Variants in CHST9 observed in about 807,000 individuals in gnomAD.
CHST9 encodes the protein carbohydrate sulfotransferase 9.
Under a neutral mutation model 44.4 loss-of-function variants are expected in CHST9, and 41 were observed. The ratio of observed to expected loss-of-function variants is 0.92; its 90% CI spans 0.72 to 1.20. The LOEUF is 1.20. Among genes scored for constraint, CHST9 ranks in the 50% most tolerant of loss-of-function variants. The pLI, the probability that CHST9 is intolerant of heterozygous loss-of-function variation, is 0.00. For missense variants in CHST9, 504 were observed against 516.5 expected, an observed-to-expected ratio of 0.98 and a Z score of 0.23; for synonymous variants, 171 against 178.4, an observed-to-expected ratio of 0.96 and a Z score of 0.33.
intron 1 of CHST9, among the ~76,000 whole-genome samples, chr18:27,184,266 T>TG (rs1390891673): frequency 6.6e-6 from 1 of 152,020 alleles, no homozygotes; most frequent in Non-Finnish European, 1.5e-5. Context: ...GGGAGGGAGC[T>TG]GGGGGTGGAC....
At chr18:27,001,584 T>C (rs1440017841) in intron 4 of CHST9, among the ~76,000 whole-genome samples, 1 of 152,068 alleles carries the variant, frequency 6.6e-6, no homozygotes, top group Non-Finnish European at 1.5e-5. Context: ...CCTCTAACTT[T>C]GTCTTGCAGA....
chr18:27,080,557 A>G (rs1042273681), intron 2 of CHST9, among the ~76,000 whole-genome samples: 1 of 152,174 alleles, frequency 6.6e-6, no homozygotes, highest in Non-Finnish European at 1.5e-5. Flanking sequence ...TGAGTTGCAT[A>G]TAATAGGCAT....
chr18:27,094,019 C>T (rs1338252714), intron 2 of CHST9, among the ~76,000 whole-genome samples: 2 of 151,946 alleles, frequency 1.3e-5, no homozygotes, highest in South Asian at 2.1e-4. Context: ...TAGTGGAGCA[C>T]GCAAATTTTA....
At position 27,047,204 on chromosome 18, in the gene CHST9, T is replaced by C. The variant is rs137948745; in HGVS notation, c.160+1261A>G. On this transcript the variant is annotated intron_variant, in intron 3 of 5. Coordinates refer to ENST00000618847, the MANE Select transcript of CHST9 (RefSeq NM_031422.6). ...CTAATGAGGCATCAGACTTAACACT[T>C]TGGCCAACTTAGCTTTCTTCCAAAC... Among the ~76,000 whole-genome samples, 740 of 152,140 alleles carry C rather than the reference T, an allele frequency of 4.9e-3. 7 individuals carry two copies. The highest frequency in any genetic ancestry group is 0.017 in the African/African-American group (712 of 41,528).
In CHST9 at chr18:27,010,913, G is replaced by A. The variant is rs367930635; in HGVS notation, c.202+13203C>T. ...TGGGTGGGGAAAGGAAAGAGAGGGC[G>A]GTGAATACACTCAGCAGACCACCAG... On this transcript the variant is annotated intron_variant, in intron 4 of 5. Coordinates refer to ENST00000618847, the MANE Select transcript of CHST9 (RefSeq NM_031422.6). Among the ~76,000 whole-genome samples the A allele has an allele frequency of 8.0e-4, 114 of 142,050 alleles. 1 individual carries two copies. The highest frequency in any genetic ancestry group is 2.6e-3 in the African/African-American group (103 of 40,112). 93.2% of individuals were successfully genotyped at this position (142,050 alleles called of 152,430 possible).
chr18:26,942,831 C>T (rs2056103902), intron 5 of CHST9, among the ~76,000 whole-genome samples: 1 of 152,130 alleles, frequency 6.6e-6, no homozygotes, highest in African/African-American at 2.4e-5. Context: ...AAACTAAGGG[C>T]CGGCGTGGTG....
intron 2 of CHST9, among the ~76,000 whole-genome samples, chr18:27,140,680 C>G (rs560749138): frequency 6.6e-6 from 1 of 152,118 alleles, no homozygotes; most frequent in African/African-American, 2.4e-5. Context: ...TCCATTCATT[C>G]ATTCATTCAT....
At chr18:27,184,077 T>G (rs2058935427) in intron 1 of CHST9, among the ~76,000 whole-genome samples, 1 of 152,046 alleles carries the variant, frequency 6.6e-6, no homozygotes, top group South Asian at 2.1e-4. Flanking sequence ...AAATAAACAT[T>G]GGTAATACTC....
At chr18:27,144,096 C>T (rs938196543) in intron 1 of CHST9, among the ~76,000 whole-genome samples, 3 of 152,210 alleles carry the variant, frequency 2.0e-5, no homozygotes, top group Non-Finnish European at 4.4e-5. Context: ...AAGGTCACGG[C>T]TTTGTATCTA....
At chr18:27,134,116 C>T (rs556208148) in intron 2 of CHST9, among the ~76,000 whole-genome samples, 107 of 152,050 alleles carry the variant, frequency 7.0e-4, no homozygotes, top group Admixed American at 1.0e-3. Context: ...AATTTCAAAA[C>T]AGCAACATCG....
chr18:27,137,580 C>T (rs1598749434), intron 2 of CHST9, among the ~76,000 whole-genome samples: 2 of 152,016 alleles, frequency 1.3e-5, no homozygotes, highest in Admixed American at 1.3e-4. Flanking sequence ...GCAGTGGCTA[C>T]AGCTCACACA....
In CHST9 at chr18:27,185,179, G is replaced by A. The variant is rs929569677; in HGVS notation, c.-140C>T. ...GCGCTTGCAGGTGCTGCTGTTCCAG[G>A]AGCGCAGCTTCGGAGGAAACTTCCC... On this transcript the variant is annotated 5_prime_UTR_variant, in exon 1 of 6. Transcript: ENST00000618847. The A allele has an allele frequency of 1.3e-5, 2 of 152,180 alleles. No individual in the cohort carries two copies. Among genetic ancestry groups the A allele is most frequent in the African/African-American group, 4.8e-5 (2 of 41,436 alleles). 9.4% of individuals were successfully genotyped at this position (152,180 alleles called of 1,614,324 possible). A position where few individuals can be genotyped will look rare whatever the true frequency, so the allele number is the denominator to read the frequency against.
chr18:26,993,117 G>A (rs1442472684), intron 4 of CHST9, among the ~76,000 whole-genome samples: 2 of 152,184 alleles, frequency 1.3e-5, no homozygotes, highest in African/African-American at 4.8e-5. Context: ...GAAGGAGTGG[G>A]AGGGACACGT....
intron 1 of CHST9, among the ~76,000 whole-genome samples, chr18:27,184,607 T>C (rs938285050): frequency 1.3e-5 from 2 of 151,948 alleles, no homozygotes; most frequent in African/African-American, 4.8e-5. Flanking sequence ...CGCCTGAGCC[T>C]GAGCCAGGTC....
At chr18:27,100,820 A>G (rs1311451771) in intron 2 of CHST9, among the ~76,000 whole-genome samples, 3 of 152,188 alleles carry the variant, frequency 2.0e-5, no homozygotes, top group African/African-American at 7.2e-5. Flanking sequence ...TTTTTAAATA[A>G]TTTCAGATAA....
intron 4 of CHST9, among the ~76,000 whole-genome samples, chr18:26,978,903 G>A (rs958276385): frequency 3.9e-5 from 6 of 152,128 alleles, no homozygotes; most frequent in African/African-American, 1.2e-4. Context: ...ACAAAGGGAC[G>A]AACCCAAGGG....
At chr18:27,183,519 G>A (rs1047542047) in intron 1 of CHST9, among the ~76,000 whole-genome samples, 1 of 152,164 alleles carries the variant, frequency 6.6e-6, no homozygotes, top group Non-Finnish European at 1.5e-5. Flanking sequence ...GGACGGTACT[G>A]TAATGAAGGG....
chr18:26,911,637 T>G lies in CHST9; in HGVS notation c.*4622A>C, dbSNP rs954125783. 3.3e-5 allele frequency: 5 copies of G among 152,172 alleles called. No homozygotes were observed. Among genetic ancestry groups the G allele is most frequent in the Non-Finnish European group, 7.3e-5 (5 of 68,028 alleles). 9.4% of individuals were successfully genotyped at this position (152,172 alleles called of 1,614,324 possible). ...TGAGACTTGAGGAGAGGTTTAGGGA[T>G]GGAAAAAGATGACTGCTTAAATGGA... is the stretch of plus-strand genomic sequence containing the variant. On this transcript the variant is annotated 3_prime_UTR_variant, in exon 6 of 6. Coordinates refer to ENST00000618847, the MANE Select transcript of CHST9 (RefSeq NM_031422.6).
chr18:26,982,264 T>C (rs2056700330), intron 4 of CHST9, among the ~76,000 whole-genome samples: 1 of 152,014 alleles, frequency 6.6e-6, no homozygotes. Context: ...ATGTATGTTG[T>C]AGTTAAAATA....
Sources: gnomAD v4.1 joint callset for allele counts (sites outside exome capture counted in the v4.1 genomes callset) on GRCh38, gnomAD v4.1.1 for gene constraint, MANE v1.5 for transcripts, NCBI Gene and HGNC (gene_info 2026-07-23, HGNC 2026-07-21) for gene names.